Variants in TRMT1L observed in about 807,000 individuals in gnomAD.
The protein encoded by TRMT1L is tRNA methyltransferase 1L.
Under a neutral mutation model 81.6 loss-of-function variants are expected in TRMT1L, and 28 were observed. That is an observed-to-expected ratio of 0.34 (90% confidence interval 0.25 to 0.47). The LOEUF (loss-of-function observed/expected upper bound fraction) is 0.47. TRMT1L is among the 20% of genes least tolerant of loss of function. The probability of loss-of-function intolerance (pLI) is 1.00; values close to 1 mark genes in which losing one functional copy is unlikely to be tolerated. For missense variants in TRMT1L, 739 were observed against 877.1 expected, an observed-to-expected ratio of 0.84 and a Z score of 1.99; for synonymous variants, 301 against 303.2, an observed-to-expected ratio of 0.99 and a Z score of 0.07.
intron 13 of TRMT1L, among the ~76,000 whole-genome samples, chr1:185,121,236 T>C (rs1390635453): frequency 2.6e-5 from 4 of 152,228 alleles, no homozygotes; most frequent in Non-Finnish European, 5.9e-5. Flanking sequence ...TGATTATTTA[T>C]ATATGAACGT....
At chr1:185,136,535 A>G (rs1169206406) in intron 10 of TRMT1L, among the ~76,000 whole-genome samples, 2 of 152,254 alleles carry the variant, frequency 1.3e-5, no homozygotes, top group African/African-American at 2.4e-5. Context: ...AAAGCATATC[A>G]TATTTGTAGG....
At chr1:185,152,160 C>A (rs1025275347) in intron 1 of TRMT1L, among the ~76,000 whole-genome samples, 2 of 152,124 alleles carry the variant, frequency 1.3e-5, no homozygotes, top group African/African-American at 4.8e-5. Flanking sequence ...TCTAATTAGT[C>A]AAAATAATTC....
intron 3 of TRMT1L, 30 bp downstream of exon 3, chr1:185,150,349 T>C (rs1429348957): frequency 1.4e-6 from 2 of 1,471,308 alleles, no homozygotes; most frequent in Admixed American, 1.7e-5. Flanking sequence ...TTCATATATA[T>C]TACTTCTTTG....
At chr1:185,141,634 G>T (rs1435703709) in intron 7 of TRMT1L, among the ~76,000 whole-genome samples, 1 of 152,164 alleles carries the variant, frequency 6.6e-6, no homozygotes, top group Non-Finnish European at 1.5e-5. Flanking sequence ...AACCCAGGAG[G>T]CGGAGGTTGC....
intron 6 of TRMT1L, 65 bp from the exon 7 acceptor site, chr1:185,143,501 T>C (rs1653104628): frequency 7.0e-7 from 1 of 1,429,770 alleles, no homozygotes; most frequent in African/African-American, 1.4e-5. Context: ...TTTATTTCAT[T>C]TAAGAATAGT....
intron 10 of TRMT1L, among the ~76,000 whole-genome samples, chr1:185,136,299 C>T (rs1392490427): frequency 1.3e-5 from 2 of 151,978 alleles, no homozygotes; most frequent in African/African-American, 2.4e-5. Flanking sequence ...GTCCCAGGTA[C>T]TTGGGAGGCT....
Position 185,120,270 on chromosome 1 carries a change from A to G in TRMT1L, c.1951T>C (p.Leu651=). ...GATAAATAGCACAAAAACTTTTTTA[A>G]CCTGCAAAAAGGAAAGGAAAGAAAA... is the stretch of plus-strand genomic sequence containing the variant. The part of the protein sequence containing the change: ...HSIKGMNMPK[L]KKFLCYLSQA... The change falls in exon 15 of 15, where the codon TTA becomes CTA. Residue 651 remains leucine (L), a splice_region_variant and synonymous_variant. Transcript: ENST00000367506. 1 of 1,545,850 alleles carries G rather than the reference A, an allele frequency of 6.5e-7. No homozygotes were observed. The highest frequency in any genetic ancestry group is 2.3e-5 in the East Asian group (1 of 43,622).
In TRMT1L at chr1:185,146,354, A is replaced by C. The variant is rs548331462; in HGVS notation, c.526-786T>G. On this transcript the variant is annotated intron_variant, in intron 4 of 14. Coordinates refer to ENST00000367506, the MANE Select transcript of TRMT1L (RefSeq NM_030934.5). ...TTCATAATTTCTCATTTAGCTGAGA[A>C]CAAAAGACTGCTCCAATGGCTCTTT... Among the ~76,000 whole-genome samples, 4 of 152,154 alleles carry C rather than the reference A, an allele frequency of 2.6e-5. No homozygotes were observed. The East Asian group carries it at 7.7e-4, about 29-fold the overall frequency.
Position 185,156,747 on chromosome 1 carries a change from C to G in TRMT1L, c.-35G>C, listed in dbSNP as rs558970985. On this transcript the variant is annotated 5_prime_UTR_variant, in exon 1 of 15. Coordinates refer to ENST00000367506, the MANE Select transcript of TRMT1L (RefSeq NM_030934.5). ...CTCCGTGCCAAGCCCGCCCGGGGAC[C>G]CGGAGCGGGGCTCACGGCGGGGTCA... 2.3e-5 allele frequency: 37 copies of G among 1,611,092 alleles called. 1 individual carries two copies. In the East Asian group the frequency reaches 4.9e-4, roughly 21 times the overall value.
Position 185,143,990 on chromosome 1 carries a change from G to T in TRMT1L, c.695C>A (p.Ala232Glu). The T allele has an allele frequency of 6.2e-7, 1 of 1,609,210 alleles. No individual in the cohort carries two copies. Among genetic ancestry groups the T allele is most frequent in the South Asian group, 1.1e-5 (1 of 90,412 alleles). The change falls in exon 6 of 15, where the codon GCA becomes GAA. Residue 232 changes from alanine to glutamate, a missense_variant. This residue lies in a region of TRMT1L where 331 missense variants were observed against 462.2 expected (regional missense o/e 0.72). Coordinates refer to ENST00000367506, the MANE Select transcript of TRMT1L (RefSeq NM_030934.5). ...AKPPKEILKE[A>E]DTDVQVCPNY... ...GGGACAAACTTGTACATCCGTGTCT[G>T]CCTCTTTCAAAATTTCCTTAGGTGG...
In TRMT1L at chr1:185,143,331, G is replaced by T. The variant is rs1308195675; in HGVS notation, c.859+26C>A. The T allele has an allele frequency of 2.6e-6, 4 of 1,553,230 alleles. No homozygotes were observed. In the African/African-American group the frequency reaches 4.2e-5, roughly 16 times the overall value. The stretch of plus-strand genomic sequence containing the variant: ...CTGTAAAATTGAATAAATAAAATGG[G>T]GTTCCAAAAAAGTGTCCTCACTTAC... On this transcript the variant is annotated intron_variant, in intron 7 of 14. Transcript: ENST00000367506.
intron 7 of TRMT1L, among the ~76,000 whole-genome samples, chr1:185,140,642 C>T (rs1653012875): frequency 6.6e-6 from 1 of 151,500 alleles, no homozygotes; most frequent in Admixed American, 6.6e-5. Flanking sequence ...TCTGGACCAA[C>T]ACTTTTCAAA....
intron 3 of TRMT1L, among the ~76,000 whole-genome samples, chr1:185,149,916 G>A (rs2102257594): frequency 6.6e-6 from 1 of 152,060 alleles, no homozygotes; most frequent in South Asian, 2.1e-4. Flanking sequence ...AAATGGCTAT[G>A]ATTTCTGAAT....
rs201008081 is a variant in TRMT1L at position 185,137,697 on chromosome 1, T to G, written c.1422A>C (p.Ser474=). 521 of 1,614,052 alleles carry G rather than the reference T, an allele frequency of 3.2e-4. No homozygotes were observed. Among genetic ancestry groups the G allele is most frequent in the Non-Finnish European group, 4.3e-4 (508 of 1,180,042 alleles). The change falls in exon 10 of 15, where the codon TCA becomes TCC. Residue 474 remains serine, a synonymous_variant. Transcript: ENST00000367506. ...GAATCTTCTTGGCTGTTTCATCTGC[T>G]GAAGTAGGTCCCCTCAAAACTCTCA... ...VVVRVLRGPT[S]ADETAKKIQY...
chr1:185,155,208 A>G (rs1256337924), intron 1 of TRMT1L, among the ~76,000 whole-genome samples: 3 of 152,170 alleles, frequency 2.0e-5, no homozygotes, highest in African/African-American at 7.2e-5. Context: ...CATATTTTTG[A>G]TGGTGAGGAG....
intron 3 of TRMT1L, among the ~76,000 whole-genome samples, chr1:185,148,556 G>T (rs12037692): frequency 0.1 from 15,151 of 152,166 alleles, 980 homozygotes; most frequent in East Asian, 0.25. Context: ...CCATGTGAAA[G>T]AACCCAATAG....
At chr1:185,139,859 T>C (rs1421437639) in intron 8 of TRMT1L, 114 bp downstream of exon 8, 2 of 1,237,966 alleles carry the variant, frequency 1.6e-6, no homozygotes, top group Non-Finnish European at 2.2e-6. Flanking sequence ...TGTCAAAAAA[T>C]GGCATTAATT....
Position 185,128,652 on chromosome 1 carries a change from T to G in TRMT1L, c.1592+17A>C. The G allele has an allele frequency of 1.2e-6, 2 of 1,609,746 alleles. No homozygotes were observed. The highest frequency in any genetic ancestry group is 1.7e-6 in the Non-Finnish European group (2 of 1,176,720). ...AATACATCAAATTTTAATATGTTCT[T>G]ATGGCTGGTCACATACCACAGAGGT... On this transcript the variant is annotated intron_variant, in intron 11 of 14. Transcript: ENST00000367506.
intron 9 of TRMT1L, 31 bp from the exon 10 acceptor site, chr1:185,137,827 G>A: frequency 2.5e-6 from 4 of 1,604,220 alleles, no homozygotes; most frequent in African/African-American, 1.3e-5. Context: ...TTATTTTGTG[G>A]GCTTATCATT....
Sources: allele counts gnomAD v4.1 joint callset (sites outside exome capture counted in the v4.1 genomes callset), GRCh38; gene constraint gnomAD v4.1.1; regional missense constraint gnomAD v4.1.1; transcripts MANE v1.5; gene names NCBI Gene and HGNC (gene_info 2026-07-23, HGNC 2026-07-21).